Variants in CFH observed in about 807,000 individuals in gnomAD.
The protein encoded by CFH is complement factor H, also known as H factor 1 (complement).
CFH carries 53 observed loss-of-function variants against 147.3 expected under a neutral mutation model. The ratio of observed to expected loss-of-function variants is 0.36; its 90% CI spans 0.29 to 0.45. The LOEUF (loss-of-function observed/expected upper bound fraction) is 0.45. Ranked by LOEUF, CFH falls within the 20% of genes least tolerant of loss-of-function variation. The pLI is 1.00. For missense variants in CFH, 1,380 were observed against 1,498.0 expected (o/e 0.92, Z 1.30); for synonymous variants, 536 against 489.4 (o/e 1.10, Z -1.26).
intron 9 of CFH, among the ~76,000 whole-genome samples, chr1:196,702,577 TTGCC>T (rs1175034933): frequency 6.6e-6 from 1 of 151,200 alleles, no homozygotes; most frequent in Non-Finnish European, 1.5e-5. Context: ...TCCTCTGTAT[TTGCC>T]ACACAGAACC....
In CFH at chr1:196,715,701, A is replaced by G. The variant is rs1415180370; in HGVS notation, c.1628A>G (p.Asn543Ser). Residue 543 changes from asparagine to serine, a missense_variant, in exon 11 of 22, where the codon AAT (asparagine) becomes AGT (serine). Transcript: ENST00000367429. ...GAATGCCATGATGGTTATGAAAGCA[A>G]TACTGGAAGCACCACTGGTTCCATA... ...DYECHDGYES[N>S]TGSTTGSIVC... 1 of 1,613,032 alleles carries G rather than the reference A, an allele frequency of 6.2e-7. No individual in the cohort carries two copies.
chr1:196,745,041 T>C (rs1279763714), intron 20 of CFH, among the ~76,000 whole-genome samples: 3 of 152,212 alleles, frequency 2.0e-5, no homozygotes, highest in Admixed American at 1.3e-4. Flanking sequence ...CAGCATCATT[T>C]GAATTGTTGA....
chr1:196,716,030 C>T (rs762664049), intron 11 of CFH, among the ~76,000 whole-genome samples: 1 of 152,044 alleles, frequency 6.6e-6, no homozygotes, highest in Non-Finnish European at 1.5e-5. Flanking sequence ...TAAATAAAAG[C>T]TTTCAAATTA....
intron 6 of CFH, among the ~76,000 whole-genome samples, chr1:196,681,630 C>T (rs1370777266): frequency 6.6e-6 from 1 of 151,620 alleles, no homozygotes; most frequent in African/African-American, 2.4e-5. Context: ...AAAAGAGATA[C>T]CAAGAGAAGG....
At chr1:196,742,100 C>T (rs1424749953) in intron 19 of CFH, 49 bp downstream of exon 19, 7 of 1,580,452 alleles carry the variant, frequency 4.4e-6, no homozygotes, top group Non-Finnish European at 6.1e-6. Context: ...GTGGGCCCAG[C>T]CCAGTGGCTG....
chr1:196,740,576 A>G (rs904562855), intron 17 of CFH, 43 bp from the exon 18 acceptor site: 1 of 1,588,318 alleles, frequency 6.3e-7, no homozygotes, highest in Non-Finnish European at 8.6e-7. Flanking sequence ...ATAAAATTAA[A>G]TTTATGAGTT....
chr1:196,665,684 T>C (rs560116967), intron 1 of CFH, among the ~76,000 whole-genome samples: 1 of 152,194 alleles, frequency 6.6e-6, no homozygotes, highest in Non-Finnish European at 1.5e-5. Flanking sequence ...CTTGGGTTAC[T>C]GCAATCTCCG....
rs1573021823 is a variant in CFH at position 196,685,220 on chromosome 1, C to A, written c.947C>A (p.Pro316His). Residue 316 changes from proline to histidine, a missense_variant, in exon 7 of 22, where the codon CCT (proline) becomes CAT (histidine). By Grantham distance (77) the Pro-to-His change is moderately conservative. Transcript: ENST00000367429. ...AAATGCACAAGTACTGGCTGGATAC[C>A]TGCTCCGAGATGTACCTGTAAGTTC... ...TAKCTSTGWIPAPRCTLKPCD... is the reference protein window; with the variant it reads ...TAKCTSTGWIHAPRCTLKPCD... The A allele has an allele frequency of 6.2e-7, 1 of 1,612,828 alleles. No homozygotes were observed. The highest frequency in any genetic ancestry group is 8.5e-7 in the Non-Finnish European group (1 of 1,179,234).
intron 19 of CFH, among the ~76,000 whole-genome samples, chr1:196,742,581 A>T (rs1652847142): frequency 6.6e-6 from 1 of 152,202 alleles, no homozygotes. Flanking sequence ...AATAGTTCTC[A>T]AAGTGTGGTC....
intron 6 of CFH, among the ~76,000 whole-genome samples, chr1:196,681,879 T>C (rs775023253): frequency 6.6e-6 from 1 of 151,840 alleles, no homozygotes; most frequent in Non-Finnish European, 1.5e-5. Context: ...AGGATCTACT[T>C]GCTGATATAA....
chr1:196,742,949 T>A (rs752214828), intron 19 of CFH, among the ~76,000 whole-genome samples: 3 of 152,196 alleles, frequency 2.0e-5, no homozygotes, highest in Admixed American at 1.3e-4. Flanking sequence ...TTAACTTGGG[T>A]AATTTTCAAA....
At chr1:196,746,961 A>G (rs886592940) in intron 21 of CFH, 150 bp from the exon 22 acceptor site, 1 of 1,378,622 alleles carries the variant, frequency 7.3e-7, no homozygotes, top group Non-Finnish European at 1.0e-6. Context: ...AGTTTATTCA[A>G]ATCAATATGA....
Position 196,713,802 on chromosome 1 carries a change from C to G in CFH, c.1404C>G (p.Ala468=), listed in dbSNP as rs55872061. The G allele has an allele frequency of 1.7e-5, 27 of 1,609,052 alleles. No individual in the cohort carries two copies. In the South Asian group the frequency reaches 2.2e-4, roughly 13 times the overall value. The change falls in exon 10 of 22, where the codon GCC becomes GCG. Residue 468 remains alanine, a synonymous_variant. Transcript: ENST00000367429. ...TTTCTGAATCTCAGTATACATATGC[C>G]TTAAAAGAAAAAGCGAAATATCAAT... ...GFISESQYTY[A]LKEKAKYQCK...
At chr1:196,694,518 C>T (rs1487649879) in intron 9 of CFH, among the ~76,000 whole-genome samples, 1 of 152,016 alleles carries the variant, frequency 6.6e-6, no homozygotes, top group Non-Finnish European at 1.5e-5. Context: ...GGGTATATAC[C>T]CAGTAATGGG....
At position 196,747,199 on chromosome 1, in the gene CFH, T is replaced by C; in HGVS notation, c.3582T>C (p.Gly1194=). 6.2e-7 allele frequency: 1 copy of C among 1,613,848 alleles called. No homozygotes were observed. Among genetic ancestry groups the C allele is most frequent in the South Asian group, 1.1e-5 (1 of 91,070 alleles). ...TAKQKLYSRT[G]ESVEFVCKRG... is the part of the protein sequence containing the mutation. ...AACAGAAGCTTTATTCGAGAACAGG[T>C]GAATCAGTTGAATTTGTGTGTAAAC... Residue 1194 remains glycine (G), a synonymous_variant, in exon 22 of 22, where the codon GGT becomes GGC. Transcript: ENST00000367429.
intron 1 of CFH, among the ~76,000 whole-genome samples, chr1:196,661,754 C>G (rs1363462436): frequency 1.3e-5 from 2 of 152,140 alleles, no homozygotes; most frequent in Non-Finnish European, 2.9e-5. Flanking sequence ...TTACTAAAGT[C>G]TAATAATAAT....
At chr1:196,688,381 T>A (rs1449950553) in intron 7 of CFH, among the ~76,000 whole-genome samples, 1 of 152,076 alleles carries the variant, frequency 6.6e-6, no homozygotes, top group African/African-American at 2.4e-5. Context: ...CAATTAAAAT[T>A]AGAAATAAAC....
chr1:196,693,534 T>A (rs1668138957), intron 9 of CFH, among the ~76,000 whole-genome samples: 1 of 152,116 alleles, frequency 6.6e-6, no homozygotes. Flanking sequence ...ACCTGATAAC[T>A]TGGAATACTA....
At position 196,728,438 on chromosome 1, in the gene CFH, A is replaced by T; in HGVS notation, c.2329A>T (p.Ile777Leu). 2 of 1,611,982 alleles carry T rather than the reference A, an allele frequency of 1.2e-6. No homozygotes were observed. The highest frequency in any genetic ancestry group is 1.7e-6 in the Non-Finnish European group (2 of 1,178,596). ...GAAGGAATTCGATCATAATTCTAAC[A>T]TAAGGTACAGATGTAGAGGAAAAGA... ...NKKEFDHNSN[I>L]RYRCRGKEGW... is the part of the protein sequence containing the mutation. Residue 777 changes from isoleucine (I) to leucine (L), a missense_variant, in exon 15 of 22, where the codon ATA becomes TTA. By Grantham distance (5) the Ile-to-Leu change is conservative (BLOSUM62 2). Transcript: ENST00000367429.
Sources: gnomAD v4.1 joint callset for allele counts (sites outside exome capture counted in the v4.1 genomes callset) on GRCh38, gnomAD v4.1.1 for gene constraint, MANE v1.5 for transcripts, NCBI Gene and HGNC (gene_info 2026-07-23, HGNC 2026-07-21) for gene names.